ABCG2: variants seen among roughly 807,000 people sequenced by gnomAD.
ABCG2 encodes ATP binding cassette subfamily G member 2 (JR blood group).
ABCG2 carries 80 observed loss-of-function variants against 73.5 expected under a neutral mutation model. The observed-to-expected ratio is 1.09, with a 90% CI of 0.91 to 1.31. The LOEUF (loss-of-function observed/expected upper bound fraction) is 1.31. Ranked by LOEUF, ABCG2 falls within the 50% of genes most tolerant of loss-of-function variation. The pLI, the probability that ABCG2 is intolerant of heterozygous loss-of-function variation, is 0.00. For synonymous variants in ABCG2, 269 were observed against 282.4 expected (o/e 0.95, Z 0.48); for missense variants, 796 against 786.2 (o/e 1.01, Z -0.15).
chr4:88,152,852 T>C (rs2725240), intron 1 of ABCG2, among the ~76,000 whole-genome samples: 122,838 of 151,900 alleles, frequency 0.81, 50,078 homozygotes, highest in African/African-American at 0.91. Context: ...CTGCTTCAAG[T>C]GGGATTAGGG....
chr4:88,215,717 G>C (rs189453569), intron 1 of ABCG2, among the ~76,000 whole-genome samples: 71 of 152,326 alleles, frequency 4.7e-4, no homozygotes, highest in African/African-American at 1.3e-3. Context: ...TAATCGAACT[G>C]CTTTGATCTG....
rs148056965 is a variant in ABCG2, at chr4:88,229,874, A to G, written c.-20+1120T>C. Among the ~76,000 whole-genome samples the G allele has an allele frequency of 5.7e-4, 86 of 152,192 alleles. 1 individual carries two copies. The East Asian group carries it at 0.01, about 18-fold the overall frequency. On this transcript the variant is annotated intron_variant, in intron 1 of 15. Coordinates refer to the ABCG2 transcript ENST00000515655. ...GTTACAGGAGGATAAAATACATTCT[A>G]TTCCCTATGCAAACTGATTTTCAAC... is the stretch of plus-strand genomic sequence containing the variant.
At chr4:88,217,499 AAAAATTACAAAAATTAGC>A (rs1398378515) in intron 1 of ABCG2, among the ~76,000 whole-genome samples, 1 of 152,148 alleles carries the variant, frequency 6.6e-6, no homozygotes, top group East Asian at 1.9e-4. Context: ...TGTCTCTACT[AAAAATTACAAAAATTAGC>A]CAGGTGTGGT....
intron 1 of ABCG2, among the ~76,000 whole-genome samples, chr4:88,198,326 C>T (rs1729020669): frequency 6.6e-6 from 1 of 151,192 alleles, no homozygotes; most frequent in African/African-American, 2.4e-5. Context: ...GAGCAAGACT[C>T]CATCTCCAAA....
intron 1 of ABCG2, among the ~76,000 whole-genome samples, chr4:88,149,728 G>A (rs1235398221): frequency 6.6e-6 from 1 of 152,194 alleles, no homozygotes; most frequent in Non-Finnish European, 1.5e-5. Flanking sequence ...GCGCATGCCT[G>A]TAACCCCAGC....
chr4:88,122,933 G>A (rs775232328), intron 5 of ABCG2, among the ~76,000 whole-genome samples: 19 of 152,102 alleles, frequency 1.2e-4, no homozygotes, highest in Non-Finnish European at 1.9e-4. Flanking sequence ...GCATCTGGCG[G>A]GTGCCCCTCT....
intron 1 of ABCG2, among the ~76,000 whole-genome samples, chr4:88,214,606 T>G (rs933917815): frequency 6.6e-6 from 1 of 152,056 alleles, no homozygotes; most frequent in Non-Finnish European, 1.5e-5. Flanking sequence ...CTGCCTGTAA[T>G]CCTGGCACTT....
chr4:88,187,834 G>A (rs1728528419), intron 1 of ABCG2, among the ~76,000 whole-genome samples: 1 of 152,060 alleles, frequency 6.6e-6, no homozygotes, highest in Non-Finnish European at 1.5e-5. Context: ...CTACCAAATG[G>A]GGCAGTTTCT....
chr4:88,139,892 G>T lies in ABCG2; in HGVS notation c.104C>A (p.Ala35Asp). The change falls in exon 2 of 16, where the codon GCT becomes GAT. Residue 35 changes from alanine to aspartate, a missense_variant. Transcript: ENST00000237612. ...SNDLKAFTEG[A>D]VLSFHNICYR... ...GCAGATGTTATGAAAACTTAACACA[G>T]CTCCTTCAGTAAATGCCTTCAGGTC... is the stretch of plus-strand genomic sequence containing the variant. 3 of 1,614,124 alleles carry T rather than the reference G, an allele frequency of 1.9e-6. No homozygotes were observed. The highest frequency in any genetic ancestry group is 1.7e-6 in the Non-Finnish European group (2 of 1,180,012).
intron 1 of ABCG2, among the ~76,000 whole-genome samples, chr4:88,175,935 G>C (rs60816576): frequency 2.6e-5 from 4 of 152,042 alleles, no homozygotes; most frequent in Non-Finnish European, 5.9e-5. Context: ...AATGGATAAT[G>C]GTTGTGGGGA....
chr4:88,213,910 T>G (rs1211670468), intron 1 of ABCG2, among the ~76,000 whole-genome samples: 1 of 151,170 alleles, frequency 6.6e-6, no homozygotes, highest in African/African-American at 2.4e-5. Context: ...CTTGATCTCC[T>G]GACCTTGTGA....
At chr4:88,203,019 AT>A (rs2110116249) in intron 1 of ABCG2, among the ~76,000 whole-genome samples, 1 of 152,288 alleles carries the variant, frequency 6.6e-6, no homozygotes, top group South Asian at 2.1e-4. Flanking sequence ...ATTTAAATAG[AT>A]GTAAATTAAT....
chr4:88,153,040 T>A, intron 1 of ABCG2, among the ~76,000 whole-genome samples: 1 of 152,066 alleles, frequency 6.6e-6, no homozygotes, highest in African/African-American at 2.4e-5. Flanking sequence ...AAACAGGTAT[T>A]AAAGGACTAA....
At chr4:88,159,323 G>A, upstream of ABCG2, 1 of 407,926 alleles carries the variant, frequency 2.5e-6, no homozygotes, top group East Asian at 7.8e-5. Flanking sequence ...AAGTTAAATG[G>A]GTGGTTTCTG....
At chr4:88,117,553 T>A (rs896296542) in intron 7 of ABCG2, among the ~76,000 whole-genome samples, 3 of 151,512 alleles carry the variant, frequency 2.0e-5, no homozygotes, top group Admixed American at 2.0e-4. Context: ...AGGAGAATGG[T>A]GTGAACCCGA....
chr4:88,099,179 A>G, intron 12 of ABCG2, 145 bp downstream of exon 12: 1 of 720,018 alleles, frequency 1.4e-6, no homozygotes, highest in Non-Finnish European at 2.2e-6. Flanking sequence ...CAACTGTTTC[A>G]GAGAGTGCAA....
At chr4:88,115,256 C>CTCTCTCTCTCTCTCTCTATATA (rs1309360818) in intron 7 of ABCG2, among the ~76,000 whole-genome samples, 198 bp from the exon 8 acceptor site, 14 of 69,854 alleles carry the variant, frequency 2.0e-4, no homozygotes, top group Admixed American at 3.5e-4. Context: ...CTCTCTCTCT[C>CTCTCTCTCTCTCTCTCTATATA]TATATATATA....
At chr4:88,173,774 A>G (rs1256502358) in intron 1 of ABCG2, among the ~76,000 whole-genome samples, 1 of 152,142 alleles carries the variant, frequency 6.6e-6, no homozygotes, top group African/African-American at 2.4e-5. Context: ...TGAGATGGGA[A>G]GATCACTTGA....
intron 1 of ABCG2, among the ~76,000 whole-genome samples, chr4:88,167,370 CTTT>C (rs551648302): frequency 4.6e-4 from 47 of 101,460 alleles, no homozygotes; most frequent in African/African-American, 1.2e-3. Context: ...TCCCTTCTGC[CTTT>C]TTTTTTTTTT....
Sources: gnomAD v4.1 joint callset for allele counts (sites outside exome capture counted in the v4.1 genomes callset) on GRCh38, gnomAD v4.1.1 for gene constraint, MANE v1.5 for transcripts, NCBI Gene and HGNC (gene_info 2026-07-23, HGNC 2026-07-21) for gene names.